CCDC7: variants seen among roughly 807,000 people sequenced by gnomAD.
The protein encoded by CCDC7 is coiled-coil domain containing 7.
Under a neutral mutation model 196.9 loss-of-function variants are expected in CCDC7, and 183 were observed. The observed-to-expected ratio is 0.93, with a 90% CI of 0.82 to 1.05. The LOEUF (loss-of-function observed/expected upper bound fraction) is 1.05. CCDC7 is among the 50% of genes least tolerant of loss of function. The pLI, the probability that CCDC7 is intolerant of heterozygous loss-of-function variation, is 0.00. For synonymous variants in CCDC7, 525 were observed against 484.6 expected (o/e 1.08, Z -1.10); for missense variants, 1,540 against 1,482.2 (o/e 1.04, Z -0.64).
intron 41 of CCDC7, among the ~76,000 whole-genome samples, chr10:32,869,827 T>C (rs2094358286): frequency 1.3e-5 from 1 of 76,184 alleles, no homozygotes; most frequent in African/African-American, 2.9e-5. Flanking sequence ...TTTCCCCATT[T>C]CCCAGCACCA....
intron 28 of CCDC7, among the ~76,000 whole-genome samples, chr10:32,749,397 A>G (rs562372100): frequency 6.6e-6 from 1 of 152,112 alleles, no homozygotes; most frequent in East Asian, 1.9e-4. Flanking sequence ...TCAGTCATTT[A>G]TCTTATTTTA....
At chr10:32,455,537 G>C (rs1053934877) in intron 2 of CCDC7, among the ~76,000 whole-genome samples, 1 of 152,038 alleles carries the variant, frequency 6.6e-6, no homozygotes, top group African/African-American at 2.4e-5. Flanking sequence ...GGCTGGTCTT[G>C]AACTCCTGAC....
At chr10:32,566,999 A>AT (rs201498063) in intron 14 of CCDC7, among the ~76,000 whole-genome samples, 41 of 143,488 alleles carry the variant, frequency 2.9e-4, no homozygotes, top group East Asian at 2.4e-3. Flanking sequence ...TATATAAAAA[A>AT]ATATCTTTGT....
intron 22 of CCDC7, among the ~76,000 whole-genome samples, chr10:32,688,747 G>T (rs1300533250): frequency 1.3e-5 from 2 of 152,156 alleles, no homozygotes; most frequent in African/African-American, 4.8e-5. Flanking sequence ...ATAACTTGGT[G>T]CATATGCATT....
chr10:32,545,780 C>A (rs1208356763), intron 13 of CCDC7, among the ~76,000 whole-genome samples: 1 of 151,946 alleles, frequency 6.6e-6, no homozygotes, highest in African/African-American at 2.4e-5. Context: ...GTGGCACGTG[C>A]CTGCAGTCCC....
intron 20 of CCDC7, among the ~76,000 whole-genome samples, chr10:32,654,121 TC>T (rs760953338): frequency 7.6e-4 from 116 of 152,342 alleles, no homozygotes; most frequent in Non-Finnish European, 1.4e-3. Context: ...TCTTTCCATT[TC>T]AGTTATTGTG....
chr10:32,798,586 C>A (rs1433970639), intron 29 of CCDC7, among the ~76,000 whole-genome samples: 1 of 152,256 alleles, frequency 6.6e-6, no homozygotes, highest in East Asian at 1.9e-4. Context: ...CCACATACCT[C>A]TTCCCCAAAT....
At chr10:32,866,345 T>C (rs2094198861) in intron 41 of CCDC7, among the ~76,000 whole-genome samples, 1 of 151,638 alleles carries the variant, frequency 6.6e-6, no homozygotes, top group South Asian at 2.1e-4. Flanking sequence ...AAAAGACATA[T>C]CTGATAAAGA....
At chr10:32,637,883 A>C (rs1161021891) in intron 20 of CCDC7, among the ~76,000 whole-genome samples, 11 of 151,994 alleles carry the variant, frequency 7.2e-5, no homozygotes, top group African/African-American at 4.8e-5. Flanking sequence ...TCTTCCATTT[A>C]TTTGTATCCT....
chr10:32,707,258 G>C (rs1190328404), intron 24 of CCDC7, among the ~76,000 whole-genome samples: 2 of 152,136 alleles, frequency 1.3e-5, no homozygotes, highest in Admixed American at 6.6e-5. Flanking sequence ...AGGTCTTTGA[G>C]AAAATTCAAC....
chr10:32,754,319 C>A (rs969992462), intron 28 of CCDC7, among the ~76,000 whole-genome samples: 6 of 152,008 alleles, frequency 3.9e-5, no homozygotes, highest in African/African-American at 9.7e-5. Flanking sequence ...AATAAAATAA[C>A]TGATAAATAA....
At chr10:32,845,416 C>G (rs1190877495) in intron 34 of CCDC7, 90 bp downstream of exon 35, 1 of 1,207,402 alleles carries the variant, frequency 8.3e-7, no homozygotes, top group East Asian at 2.5e-5. Context: ...AACAAAACTA[C>G]CTATATTATA....
At chr10:32,558,983 C>T (rs982782087) in intron 13 of CCDC7, among the ~76,000 whole-genome samples, 7 of 152,230 alleles carry the variant, frequency 4.6e-5, no homozygotes, top group African/African-American at 1.7e-4. Flanking sequence ...GGTTTTCCAA[C>T]AGGCTTAAAA....
At chr10:32,832,887 G>A (rs2092318795) in intron 32 of CCDC7, among the ~76,000 whole-genome samples, 3 of 152,014 alleles carry the variant, frequency 2.0e-5, no homozygotes, top group Non-Finnish European at 4.4e-5. Context: ...TCACATAATA[G>A]ATATGTAATA....
chr10:32,714,207 G>A (rs534969693), intron 25 of CCDC7, among the ~76,000 whole-genome samples: 27 of 152,248 alleles, frequency 1.8e-4, no homozygotes, highest in East Asian at 1.9e-4. Context: ...TACTCGGTTC[G>A]TCTCATTGGG....
chr10:32,869,759 A>T (rs1348025034), intron 41 of CCDC7, among the ~76,000 whole-genome samples: 1 of 151,216 alleles, frequency 6.6e-6, no homozygotes, highest in African/African-American at 2.4e-5. Context: ...TAAGGAAGGG[A>T]TCCAGTTTCA....
intron 18 of CCDC7, among the ~76,000 whole-genome samples, chr10:32,589,232 A>G (rs1461788614): frequency 2.6e-5 from 4 of 152,112 alleles, no homozygotes; most frequent in Non-Finnish European, 1.5e-5. Context: ...GCTCCCACAA[A>G]TAAGTGAAAA....
chr10:32,594,762 G>A (rs148937698), intron 18 of CCDC7, among the ~76,000 whole-genome samples: 21,153 of 152,102 alleles, frequency 0.14, 1,762 homozygotes, highest in East Asian at 0.25. Flanking sequence ...AGCATGAAGC[G>A]CTGTTGAATT....
At chr10:32,569,477 A>C (rs1425174807) in intron 15 of CCDC7, among the ~76,000 whole-genome samples, 1 of 152,082 alleles carries the variant, frequency 6.6e-6, no homozygotes, top group Admixed American at 6.6e-5. Flanking sequence ...CCCAGGCCAG[A>C]GTGCAATGGT....
Sources: allele counts gnomAD v4.1 joint callset (sites outside exome capture counted in the v4.1 genomes callset), GRCh38; gene constraint gnomAD v4.1.1; transcripts MANE v1.5; gene names NCBI Gene and HGNC (gene_info 2026-07-23, HGNC 2026-07-21).